The following TYR variants were observed in gnomAD, a reference collection of about 807,000 sequenced individuals.
TYR encodes LB24-AB.
Under a neutral mutation model 51.5 loss-of-function variants are expected in TYR, and 58 were observed. The observed-to-expected ratio is 1.13, with a 90% CI of 0.91 to 1.40. The LOEUF is 1.40. TYR is among the 40% of genes most tolerant of loss of function. The pLI, the probability that TYR is intolerant of heterozygous loss-of-function variation, is 0.00. For missense variants in TYR, 732 were observed against 647.4 expected, an observed-to-expected ratio of 1.13 and a Z score of -1.42; for synonymous variants, 263 against 235.2, an observed-to-expected ratio of 1.12 and a Z score of -1.08.
rs565898265 is a variant in TYR, at chr11:89,223,767, A to T, written c.1037-4056A>T. Among the ~76,000 whole-genome samples, 5 of 152,316 alleles carry T rather than the reference A, an allele frequency of 3.3e-5. No individual in the cohort carries two copies. The South Asian group carries it at 8.3e-4, about 25-fold the overall frequency. On this transcript the variant is annotated intron_variant, in intron 2 of 4. Transcript: ENST00000263321. ...AATATATACATTATTTAAAATTGTT[A>T]CTATAATAAAACTGTTTACAACTGT...
Position 89,284,888 on chromosome 11 carries a change from A to C in TYR, c.1300A>C (p.Arg434=), listed in dbSNP as rs776846246. 3 of 1,611,816 alleles carry C rather than the reference A, an allele frequency of 1.9e-6. No homozygotes were observed. Among genetic ancestry groups the C allele is most frequent in the Non-Finnish European group, 2.5e-6 (3 of 1,178,564 alleles). The part of the protein sequence containing the change: ...SYMVPFIPLY[R]NGDFFISSKD... The stretch of plus-strand genomic sequence containing the variant: ...CATGGTTCCTTTTATACCACTGTAC[A>C]GAAATGGTGATTTCTTTATTTCATC... Residue 434 remains arginine, a synonymous_variant, in exon 4 of 5, where the codon AGA becomes CGA. Coordinates refer to ENST00000263321, the MANE Select transcript of TYR (RefSeq NM_000372.5).
chr11:89,215,950 GTTACTA>G (rs1368244887), intron 2 of TYR, among the ~76,000 whole-genome samples: 2 of 152,060 alleles, frequency 1.3e-5, no homozygotes, highest in Non-Finnish European at 2.9e-5. Flanking sequence ...GAAAACCTCT[GTTACTA>G]TATTATTATA....
intron 4 of TYR, 95 bp downstream of exon 4, chr11:89,285,049 C>G: frequency 9.5e-7 from 1 of 1,056,922 alleles, no homozygotes; most frequent in Non-Finnish European, 1.5e-6. Context: ...AATGTTATTC[C>G]TGAACACTTT....
intron 3 of TYR, among the ~76,000 whole-genome samples, chr11:89,240,427 G>A (rs1336013036): frequency 6.6e-6 from 1 of 151,856 alleles, no homozygotes; most frequent in Non-Finnish European, 1.5e-5. Flanking sequence ...TACTTCCTTT[G>A]CTATTTTATA....
chr11:89,208,178 G>A (rs1340399134), intron 2 of TYR, among the ~76,000 whole-genome samples: 1 of 152,246 alleles, frequency 6.6e-6, no homozygotes, highest in East Asian at 1.9e-4. Flanking sequence ...GCTGAGGCAG[G>A]AGAATGGTGT....
chr11:89,261,695 C>A (rs527474342), intron 3 of TYR, among the ~76,000 whole-genome samples: 3 of 151,932 alleles, frequency 2.0e-5, no homozygotes, highest in African/African-American at 7.2e-5. Context: ...ATACTATATG[C>A]CAATGAGACC....
intron 3 of TYR, among the ~76,000 whole-genome samples, chr11:89,263,817 A>T (rs1475593618): frequency 6.6e-6 from 1 of 152,082 alleles, no homozygotes; most frequent in Non-Finnish European, 1.5e-5. Flanking sequence ...ACTATAAAAC[A>T]CTATTGAAAG....
intron 1 of TYR, among the ~76,000 whole-genome samples, chr11:89,179,627 C>T (rs1943274594): frequency 6.6e-6 from 1 of 152,152 alleles, no homozygotes; most frequent in Admixed American, 6.5e-5. Flanking sequence ...GATGTGACTG[C>T]TGTGATATCT....
At chr11:89,232,352 C>T (rs753681757) in intron 3 of TYR, among the ~76,000 whole-genome samples, 2 of 143,520 alleles carry the variant, frequency 1.4e-5, no homozygotes, top group Non-Finnish European at 3.0e-5. Flanking sequence ...GGTACATTTA[C>T]ACCATGGAAT....
intron 1 of TYR, among the ~76,000 whole-genome samples, chr11:89,186,826 G>A (rs904835583): frequency 2.0e-5 from 3 of 152,090 alleles, no homozygotes; most frequent in Admixed American, 1.3e-4. Context: ...CATTAACAGT[G>A]GGGTCCTAAT....
intron 3 of TYR, among the ~76,000 whole-genome samples, chr11:89,256,055 G>T (rs1225007141): frequency 6.6e-6 from 1 of 151,402 alleles, no homozygotes; most frequent in African/African-American, 2.4e-5. Context: ...TTTACATATG[G>T]TTTGTTATAG....
At chr11:89,280,178 A>G (rs1327766398) in intron 3 of TYR, among the ~76,000 whole-genome samples, 3 of 151,588 alleles carry the variant, frequency 2.0e-5, no homozygotes, top group South Asian at 2.1e-4. Context: ...TTCATCTTGT[A>G]TATTTCTTAC....
At chr11:89,228,111 C>A in intron 3 of TYR, 141 bp downstream of exon 3, 2 of 964,506 alleles carry the variant, frequency 2.1e-6, no homozygotes, top group Non-Finnish European at 1.6e-6. Flanking sequence ...CCAAAACAGA[C>A]CTTAGGCTAA....
chr11:89,184,864 A>G (rs1485292712), intron 1 of TYR, among the ~76,000 whole-genome samples: 6 of 152,156 alleles, frequency 3.9e-5, no homozygotes, highest in Non-Finnish European at 5.9e-5. Flanking sequence ...TTAGTGACCA[A>G]AAATTAAGAG....
chr11:89,211,517 C>A (rs560590851), intron 2 of TYR, among the ~76,000 whole-genome samples: 2 of 151,956 alleles, frequency 1.3e-5, no homozygotes, highest in South Asian at 2.1e-4. Flanking sequence ...ACTTTAACAC[C>A]CCACTGTCAA....
At chr11:89,279,466 C>T (rs1944694807) in intron 3 of TYR, among the ~76,000 whole-genome samples, 1 of 151,674 alleles carries the variant, frequency 6.6e-6, no homozygotes, top group Non-Finnish European at 1.5e-5. Context: ...CAGTCTATTA[C>T]ATTAGATCAT....
At chr11:89,289,485 G>A (rs185182938) in intron 4 of TYR, among the ~76,000 whole-genome samples, 34 of 152,060 alleles carry the variant, frequency 2.2e-4, no homozygotes, top group African/African-American at 5.5e-4. Flanking sequence ...CAGAGATGTA[G>A]GAAGTCTTTT....
intron 3 of TYR, among the ~76,000 whole-genome samples, chr11:89,232,522 A>C (rs1242037360): frequency 7.0e-6 from 1 of 142,416 alleles, no homozygotes; most frequent in Non-Finnish European, 1.5e-5. Context: ...TAAAGATGGG[A>C]GCCATAGATA....
chr11:89,292,667 T>C (rs1944863532), intron 4 of TYR, among the ~76,000 whole-genome samples: 1 of 152,160 alleles, frequency 6.6e-6, no homozygotes, highest in Non-Finnish European at 1.5e-5. Flanking sequence ...TACCAAGTTA[T>C]TGTTTTCCCT....
Sources: allele counts gnomAD v4.1 joint callset (sites outside exome capture counted in the v4.1 genomes callset), GRCh38; gene constraint gnomAD v4.1.1; transcripts MANE v1.5; gene names NCBI Gene and HGNC (gene_info 2026-07-23, HGNC 2026-07-21).